ROBO2: variants seen among roughly 807,000 people sequenced by gnomAD.
ROBO2 encodes the protein roundabout guidance receptor 2.
ROBO2 carries 53 observed loss-of-function variants against 160.8 expected under a neutral mutation model. The ratio of observed to expected loss-of-function variants is 0.33; its 90% CI spans 0.26 to 0.41. The LOEUF (loss-of-function observed/expected upper bound fraction) is 0.41. ROBO2 is among the 10% of genes least tolerant of loss of function. The pLI, the probability that ROBO2 is intolerant of heterozygous loss-of-function variation, is 1.00. For missense variants in ROBO2, 1,577 were observed against 1,722.4 expected, an observed-to-expected ratio of 0.92 and a Z score of 1.49; for synonymous variants, 664 against 611.7, an observed-to-expected ratio of 1.09 and a Z score of -1.26.
chr3:77,433,486 GTATATATATATATATATATATA>G (rs57475227), intron 2 of ROBO2, among the ~76,000 whole-genome samples: 3,560 of 99,422 alleles, frequency 0.036, 297 homozygotes, highest in African/African-American at 0.12. Flanking sequence ...CTGGCAACTT[GTATATATATATATATATATATA>G]TATATATATA....
At chr3:77,165,262 C>T (rs2150680667) in intron 2 of ROBO2, among the ~76,000 whole-genome samples, 1 of 148,274 alleles carries the variant, frequency 6.7e-6, no homozygotes, top group East Asian at 2.0e-4. Context: ...GTGACCTTAC[C>T]CCCAACCCTG....
At chr3:77,420,795 A>C (rs572865314) in intron 2 of ROBO2, among the ~76,000 whole-genome samples, 83 of 152,280 alleles carry the variant, frequency 5.5e-4, no homozygotes, top group Non-Finnish European at 6.6e-4. Context: ...TTGAAGAGAC[A>C]AATTTGGAAA....
intron 2 of ROBO2, among the ~76,000 whole-genome samples, chr3:76,787,736 A>G (rs148088391): frequency 1.3e-5 from 2 of 151,620 alleles, no homozygotes; most frequent in African/African-American, 2.4e-5. Context: ...TATGTAAAAT[A>G]AATATATTTT....
chr3:76,608,930 C>A (rs1055299668), intron 2 of ROBO2, among the ~76,000 whole-genome samples: 2 of 152,266 alleles, frequency 1.3e-5, no homozygotes, highest in South Asian at 2.1e-4. Context: ...TCCTCCCAAC[C>A]TTTCCCCGAG....
chr3:76,180,049 T>C (rs1701431501), intron 2 of ROBO2, among the ~76,000 whole-genome samples: 1 of 152,112 alleles, frequency 6.6e-6, no homozygotes, highest in Admixed American at 6.5e-5. Context: ...TATCCCTCTT[T>C]TCCATCTATA....
chr3:76,321,079 A>G (rs543595168), intron 2 of ROBO2, among the ~76,000 whole-genome samples: 12 of 152,328 alleles, frequency 7.9e-5, no homozygotes, highest in African/African-American at 2.9e-4. Context: ...AGAAGACAAG[A>G]ATGAAGATAC....
chr3:76,382,753 A>G (rs2076699701), intron 2 of ROBO2, among the ~76,000 whole-genome samples: 1 of 152,246 alleles, frequency 6.6e-6, no homozygotes. Context: ...AATTACAGAA[A>G]TAGGAAGAGA....
At chr3:77,121,523 G>C (rs941198645) in intron 2 of ROBO2, among the ~76,000 whole-genome samples, 1 of 152,008 alleles carries the variant, frequency 6.6e-6, no homozygotes, top group Admixed American at 6.6e-5. Context: ...TGGGTTCTCT[G>C]TGAAATAATT....
chr3:76,759,556 T>A (rs2061180638), intron 2 of ROBO2, among the ~76,000 whole-genome samples: 2 of 151,736 alleles, frequency 1.3e-5, no homozygotes, highest in South Asian at 4.1e-4. Flanking sequence ...TCCGGAAAAG[T>A]GAGTTAAATA....
chr3:76,993,837 A>G (rs2060831576), intron 2 of ROBO2, among the ~76,000 whole-genome samples: 2 of 151,946 alleles, frequency 1.3e-5, no homozygotes, highest in Admixed American at 1.3e-4. Context: ...TATAGAAACT[A>G]TCTATACCCA....
intron 2 of ROBO2, among the ~76,000 whole-genome samples, chr3:76,978,245 G>T (rs2059906211): frequency 6.6e-6 from 1 of 152,084 alleles, no homozygotes; most frequent in Admixed American, 6.5e-5. Flanking sequence ...ATTTCACATG[G>T]TAGACCTATT....
At chr3:76,062,226 C>G (rs111689197) in intron 2 of ROBO2, among the ~76,000 whole-genome samples, 16 of 152,254 alleles carry the variant, frequency 1.1e-4, no homozygotes, top group African/African-American at 3.6e-4. Context: ...AAAGGCATAA[C>G]TGATTTTTGG....
intron 2 of ROBO2, among the ~76,000 whole-genome samples, chr3:75,966,376 A>G (rs1236974762): frequency 6.6e-6 from 1 of 151,778 alleles, no homozygotes; most frequent in Admixed American, 6.6e-5. Flanking sequence ...ATTATGGTAA[A>G]TTAAAAGTTG....
At chr3:77,288,240 A>T (rs989779755) in intron 2 of ROBO2, among the ~76,000 whole-genome samples, 6 of 152,270 alleles carry the variant, frequency 3.9e-5, no homozygotes, top group Admixed American at 3.9e-4. Context: ...GTTAGTGAAA[A>T]TGTGTTTGGA....
At chr3:76,792,200 A>G (rs9841459) in intron 2 of ROBO2, among the ~76,000 whole-genome samples, 1,553 of 152,032 alleles carry the variant, frequency 0.01, 22 homozygotes, top group African/African-American at 0.035. Flanking sequence ...CTCAATAATA[A>G]AATTAATATA....
rs114746039 is a variant in ROBO2 at position 76,161,153 on chromosome 3, C to T, written c.109+223551C>T. Among the ~76,000 whole-genome samples the T allele has an allele frequency of 1.4e-3, 212 of 151,908 alleles. 2 individuals are homozygous for T. Among genetic ancestry groups the T allele is most frequent in the African/African-American group, 4.9e-3 (201 of 41,416 alleles). ...GGGTGTTACTAAAGTTACTCCTCAT[C>T]CTTAATCAAGACCACTTAGTTAAAA... On this transcript the variant is annotated intron_variant, in intron 2 of 26. Coordinates refer to the ROBO2 transcript ENST00000487694.
intron 2 of ROBO2, among the ~76,000 whole-genome samples, chr3:76,447,865 G>T (rs1452625973): frequency 1.4e-5 from 2 of 140,902 alleles, no homozygotes; most frequent in African/African-American, 2.6e-5. Flanking sequence ...GCACAGGAAG[G>T]GGGACATCAC....
At chr3:76,304,498 T>C (rs1330810415) in intron 2 of ROBO2, among the ~76,000 whole-genome samples, 1 of 152,218 alleles carries the variant, frequency 6.6e-6, no homozygotes, top group Non-Finnish European at 1.5e-5. Context: ...CTAATGCTAA[T>C]TTACTACTGT....
rs183638062 is a variant in ROBO2, at chr3:76,427,024, G to C, written c.109+489422G>C. Among the ~76,000 whole-genome samples the C allele has an allele frequency of 5.3e-3, 805 of 152,186 alleles. 5 individuals are homozygous for C. The highest frequency in any genetic ancestry group is 0.01 in the Middle Eastern group (3 of 294). On this transcript the variant is annotated intron_variant, in intron 2 of 26. Coordinates refer to the ROBO2 transcript ENST00000487694. Reference sequence around the variant, plus strand: ...ACATAGATGCACGTGAATATGTTGTGCCGTGCTAACATATATTTTCCTATG... The same window carrying C: ...ACATAGATGCACGTGAATATGTTGTCCCGTGCTAACATATATTTTCCTATG...
Sources: gnomAD v4.1 joint callset for allele counts (sites outside exome capture counted in the v4.1 genomes callset) on GRCh38, gnomAD v4.1.1 for gene constraint, MANE v1.5 for transcripts, NCBI Gene and HGNC (gene_info 2026-07-23, HGNC 2026-07-21) for gene names.